DLG2: variants seen among roughly 807,000 people sequenced by gnomAD.
DLG2 encodes the protein discs large MAGUK scaffold protein 2.
Under a neutral mutation model 132.5 loss-of-function variants are expected in DLG2, and 45 were observed. That is an observed-to-expected ratio of 0.34 (90% CI 0.27 to 0.44). DLG2 has a LOEUF of 0.44. Among genes scored for constraint, DLG2 ranks in the 20% least tolerant of loss-of-function variants. The pLI is 1.00. For synonymous variants in DLG2, 424 were observed against 419.6 expected (o/e 1.01, Z -0.13); for missense variants, 1,045 against 1,196.9 (o/e 0.87, Z 1.87).
intron 2 of DLG2, among the ~76,000 whole-genome samples, chr11:85,613,754 C>T (rs1342094939): frequency 2.6e-5 from 4 of 152,134 alleles, no homozygotes; most frequent in African/African-American, 4.8e-5. Flanking sequence ...GCATGCTGCC[C>T]GAGCCAGCAG....
At chr11:84,440,704 C>T (rs684067) in intron 7 of DLG2, among the ~76,000 whole-genome samples, 18,325 of 152,184 alleles carry the variant, frequency 0.12, 1,144 homozygotes, top group South Asian at 0.24. Flanking sequence ...TCTCCTATGA[C>T]GGAAACCTAC....
intron 22 of DLG2, among the ~76,000 whole-genome samples, chr11:83,478,006 T>C (rs758921996): frequency 1.5e-4 from 23 of 152,096 alleles, no homozygotes; most frequent in Non-Finnish European, 4.4e-5. Flanking sequence ...GCTCCCACTA[T>C]TCTTGAGCCA....
intron 15 of DLG2, among the ~76,000 whole-genome samples, chr11:83,890,306 G>A (rs1207691343): frequency 2.0e-5 from 3 of 151,718 alleles, no homozygotes; most frequent in Admixed American, 6.6e-5. Flanking sequence ...TTTATTCTTC[G>A]ACAACATTGA....
At chr11:84,104,511 A>G (rs1440481445) in intron 9 of DLG2, among the ~76,000 whole-genome samples, 1 of 152,106 alleles carries the variant, frequency 6.6e-6, no homozygotes, top group African/African-American at 2.4e-5. Flanking sequence ...TTGTATTCCA[A>G]ACCTCAGCAC....
intron 7 of DLG2, among the ~76,000 whole-genome samples, chr11:84,389,946 A>G (rs768332736): frequency 1.3e-5 from 2 of 152,192 alleles, no homozygotes; most frequent in Non-Finnish European, 2.9e-5. Flanking sequence ...AACAACAGTT[A>G]TTCCAACTTG....
At chr11:85,275,936 T>C (rs989315985) in intron 4 of DLG2, among the ~76,000 whole-genome samples, 3 of 152,088 alleles carry the variant, frequency 2.0e-5, no homozygotes, top group Non-Finnish European at 4.4e-5. Flanking sequence ...TTACTGATTC[T>C]AGGTAAGGAC....
At chr11:84,917,540 CAT>C (rs751437595) in intron 6 of DLG2, among the ~76,000 whole-genome samples, 1 of 152,100 alleles carries the variant, frequency 6.6e-6, no homozygotes, top group Non-Finnish European at 1.5e-5. Flanking sequence ...TTAGTTTCCT[CAT>C]ATATAAAATA....
intron 7 of DLG2, among the ~76,000 whole-genome samples, chr11:84,394,630 C>CT (rs1174648097): frequency 1.3e-5 from 2 of 151,730 alleles, no homozygotes; most frequent in Admixed American, 6.6e-5. Context: ...CTTACTTTTT[C>CT]TTTTTTTTAT....
chr11:85,178,481 G>C (rs1379001793), intron 4 of DLG2, among the ~76,000 whole-genome samples: 2 of 151,818 alleles, frequency 1.3e-5, no homozygotes, highest in African/African-American at 4.8e-5. Flanking sequence ...ACTGTTTGAA[G>C]AAAGTATTAT....
At chr11:83,989,615 C>T (rs980234480) in intron 11 of DLG2, among the ~76,000 whole-genome samples, 1 of 152,140 alleles carries the variant, frequency 6.6e-6, no homozygotes, top group African/African-American at 2.4e-5. Flanking sequence ...AGAAAATGCA[C>T]ATTTAAAACC....
intron 11 of DLG2, among the ~76,000 whole-genome samples, chr11:84,015,373 A>T (rs564120083): frequency 6.6e-6 from 1 of 152,004 alleles, no homozygotes; most frequent in Non-Finnish European, 1.5e-5. Context: ...TTTTGTTTAA[A>T]CTTCCAACTT....
intron 16 of DLG2, among the ~76,000 whole-genome samples, chr11:83,849,765 T>TCAAAA (rs2059315802): frequency 6.8e-6 from 1 of 148,034 alleles, no homozygotes; most frequent in African/African-American, 2.5e-5. Context: ...TTTTTTTTTT[T>TCAAAA]AAAAAAAAAG....
intron 3 of DLG2, among the ~76,000 whole-genome samples, chr11:85,299,879 CTAAA>C (rs1394017374): frequency 2.6e-5 from 4 of 152,110 alleles, no homozygotes; most frequent in African/African-American, 9.7e-5. Flanking sequence ...ACCAAAGTAG[CTAAA>C]TAGTGTTTTT....
chr11:85,314,112 A>T (rs192185276), intron 3 of DLG2, among the ~76,000 whole-genome samples: 4 of 152,114 alleles, frequency 2.6e-5, no homozygotes, highest in Admixed American at 2.0e-4. Context: ...TTATTCAAGG[A>T]ACATTTATTG....
intron 6 of DLG2, among the ~76,000 whole-genome samples, chr11:84,587,247 G>T (rs1400946176): frequency 6.6e-6 from 1 of 152,114 alleles, no homozygotes; most frequent in Non-Finnish European, 1.5e-5. Context: ...TATGTGTCTG[G>T]CTTTAACTGA....
intron 6 of DLG2, among the ~76,000 whole-genome samples, chr11:84,580,881 T>TA (rs1279381217): frequency 6.6e-6 from 1 of 152,188 alleles, no homozygotes; most frequent in Non-Finnish European, 1.5e-5. Context: ...CGATAAAGTA[T>TA]AAAAAATTCC....
chr11:85,606,924 C>G (rs1177837401), intron 2 of DLG2, among the ~76,000 whole-genome samples: 1 of 152,162 alleles, frequency 6.6e-6, no homozygotes, highest in African/African-American at 2.4e-5. Context: ...TCAGAAGGAA[C>G]AAACTCTGGA....
chr11:84,876,442 TTCTTCTAGA>T (rs2086363332), intron 6 of DLG2, among the ~76,000 whole-genome samples: 1 of 152,342 alleles, frequency 6.6e-6, no homozygotes, highest in Non-Finnish European at 1.5e-5. Context: ...ATTTATCTAT[TTCTTCTAGA>T]TCTTCTAGTT....
At chr11:83,696,425 GTTA>G (rs1185818954) in intron 18 of DLG2, among the ~76,000 whole-genome samples, 1 of 152,056 alleles carries the variant, frequency 6.6e-6, no homozygotes, top group Non-Finnish European at 1.5e-5. Flanking sequence ...TATGTACTTG[GTTA>G]TTATTATTTA....
Sources: gnomAD v4.1 joint callset for allele counts (sites outside exome capture counted in the v4.1 genomes callset) on GRCh38, gnomAD v4.1.1 for gene constraint, MANE v1.5 for transcripts, NCBI Gene and HGNC (gene_info 2026-07-23, HGNC 2026-07-21) for gene names.